DERPC: variants seen among roughly 807,000 people sequenced by gnomAD.
DERPC encodes the protein DERPC proline and glycine rich nuclear protein.
In DERPC, 1 loss-of-function variant was observed where a neutral mutation model predicts 7.2. The observed-to-expected ratio is 0.14, with a 90% CI of 0.05 to 0.66. The LOEUF is 0.66. Among genes scored for constraint, DERPC ranks in the 30% least tolerant of loss-of-function variants. The probability of loss-of-function intolerance (pLI) is 0.84; values close to 1 mark genes in which losing one functional copy is unlikely to be tolerated. For missense variants in DERPC, 502 were observed against 299.4 expected, an observed-to-expected ratio of 1.68 and a Z score of -4.99; for synonymous variants, 185 against 117.6, an observed-to-expected ratio of 1.57 and a Z score of -3.71.
chr16:69,123,661 C>T (rs1961844327), intron 1 of DERPC, among the ~76,000 whole-genome samples: 1 of 152,082 alleles, frequency 6.6e-6, no homozygotes, highest in South Asian at 2.1e-4. Flanking sequence ...ATCAATCAAT[C>T]AATCAATAAA....
chr16:69,129,523 C>T (rs1962343564), intron 1 of DERPC, among the ~76,000 whole-genome samples: 1 of 152,026 alleles, frequency 6.6e-6, no homozygotes, highest in Non-Finnish European at 1.5e-5. Flanking sequence ...AAGCTAGCCT[C>T]GTTCACTTAT....
At position 69,119,277 on chromosome 16, in the gene DERPC, G is replaced by A. The variant is rs777340231; in HGVS notation, c.1152C>T (p.Thr384=). The change falls in exon 3 of 3, where the codon ACC becomes ACT. Residue 384 remains threonine, a synonymous_variant. Coordinates refer to ENST00000519520, the MANE Select transcript of DERPC (RefSeq NM_001002847.4). ...CCTGGAGGCCAGCGGACCTTTGGAA[G>A]GTAGCTGGGTTTGATGCCAATGTGC... ...SSGTLASNPA[T]FQRSAGLQGS... is the part of the protein sequence containing the mutation. 2 of 702,958 alleles carry A rather than the reference G, an allele frequency of 2.8e-6. No homozygotes were observed. The highest frequency in any genetic ancestry group is 2.7e-5 in the East Asian group (1 of 37,298). The allele number at this position is 702,958 out of a possible 1,614,324, so 43.5% of individuals were successfully genotyped here. A position where few individuals can be genotyped will look rare whatever the true frequency, so the allele number is the denominator to read the frequency against.
chr16:69,125,782 G>A (rs1962019956), intron 1 of DERPC, among the ~76,000 whole-genome samples: 1 of 152,140 alleles, frequency 6.6e-6, no homozygotes, highest in Admixed American at 6.5e-5. Flanking sequence ...AAATCAGAAG[G>A]CCTAAATTTA....
intron 1 of DERPC, among the ~76,000 whole-genome samples, 161 bp downstream of exon 1, chr16:69,132,323 C>A (rs1443997814): frequency 6.8e-6 from 1 of 147,566 alleles, no homozygotes; most frequent in African/African-American, 2.5e-5. Context: ...ACCCCTCCCC[C>A]GCCCGCGCTC....
At position 69,120,825 on chromosome 16, in the gene DERPC, C is replaced by A; in HGVS notation, c.-221-176G>T. ...CCCATGTGCCCTTTTTACTTTCTAG[C>A]CCCACATAGGAGAATTTCCACTTTC... On this transcript the variant is annotated intron_variant, in intron 2 of 2. Coordinates refer to ENST00000519520, the MANE Select transcript of DERPC (RefSeq NM_001002847.4). This position sits in a 1 kb window ranked among gnomAD's most constrained non-coding sequence, Gnocchi z 4.0. 2 of 730,106 alleles carry A rather than the reference C, an allele frequency of 2.7e-6. No individual in the cohort carries two copies. The highest frequency in any genetic ancestry group is 1.6e-5 in the South Asian group (1 of 63,734). 45.2% of individuals were successfully genotyped at this position (730,106 alleles called of 1,614,324 possible). A position where few individuals can be genotyped will look rare whatever the true frequency, so the allele number is the denominator to read the frequency against.
Position 69,119,919 on chromosome 16 carries a change from G to A in DERPC, c.510C>T (p.Asp170=). The change falls in exon 3 of 3, where the codon GAC becomes GAT. Residue 170 remains aspartate (D), a synonymous_variant. Coordinates refer to ENST00000519520, the MANE Select transcript of DERPC (RefSeq NM_001002847.4). ...GGCCCATGGGACCACCACCTCTGGG[G>A]TCAGGACCTGCTCCCAGGAGACCAC... is the stretch of plus-strand genomic sequence containing the variant. ...RAGGLLGAGP[D]PRGGGPMGPG... The A allele has an allele frequency of 1.4e-6, 1 of 702,600 alleles. No homozygotes were observed. The highest frequency in any genetic ancestry group is 2.7e-5 in the East Asian group (1 of 37,272). The allele number at this position is 702,600 out of a possible 1,614,324, so 43.5% of individuals were successfully genotyped here.
At chr16:69,124,123 A>T (rs1961887722) in intron 1 of DERPC, among the ~76,000 whole-genome samples, 1 of 146,320 alleles carries the variant, frequency 6.8e-6, no homozygotes, top group Non-Finnish European at 1.5e-5. Context: ...AAAAAAAAAA[A>T]GGATAATATG....
In DERPC at chr16:69,119,997, G is replaced by A. The variant is rs1961504941; in HGVS notation, c.432C>T (p.Asn144=). 1.4e-6 allele frequency: 1 copy of A among 695,264 alleles called. No individual in the cohort carries two copies. The highest frequency in any genetic ancestry group is 2.6e-6 in the Non-Finnish European group (1 of 379,896). The allele number at this position is 695,264 out of a possible 1,614,324, so 43.1% of individuals were successfully genotyped here. A position where few individuals can be genotyped will look rare whatever the true frequency, so the allele number is the denominator to read the frequency against. ...GALPGPGPLS[N]PRLGGLPGPG... ...GTCCTGGGAGACCCCCTAACCTGGGGTTAGACAGAGGCCCTGGGCCTGGCA... is the reference window on the plus strand; with the variant it reads ...GTCCTGGGAGACCCCCTAACCTGGGATTAGACAGAGGCCCTGGGCCTGGCA... The change falls in exon 3 of 3, where the codon AAC becomes AAT. Residue 144 remains asparagine, a synonymous_variant. Transcript: ENST00000519520.
intron 1 of DERPC, among the ~76,000 whole-genome samples, chr16:69,123,140 T>C (rs561486592): frequency 6.6e-6 from 1 of 152,252 alleles, no homozygotes; most frequent in South Asian, 2.1e-4. Flanking sequence ...CACTGAGGCC[T>C]TTACTGCCCG....
intron 1 of DERPC, among the ~76,000 whole-genome samples, chr16:69,121,862 G>A (rs1410924681): frequency 2.0e-5 from 3 of 152,116 alleles, no homozygotes; most frequent in African/African-American, 7.2e-5. Context: ...GTAGAGATGG[G>A]GTTTCACCAT....
At chr16:69,123,859 G>C (rs760593382) in intron 1 of DERPC, among the ~76,000 whole-genome samples, 1 of 151,462 alleles carries the variant, frequency 6.6e-6, no homozygotes, top group Non-Finnish European at 1.5e-5. Context: ...AGACCAAAGT[G>C]GGTGGATCAC....
In DERPC at chr16:69,120,767, TG is replaced by T; in HGVS notation, c.-221-119del. 1 of 906,248 alleles carries T rather than the reference TG, an allele frequency of 1.1e-6. No individual in the cohort carries two copies. 56.1% of individuals were successfully genotyped at this position (906,248 alleles called of 1,614,324 possible). A position where few individuals can be genotyped will look rare whatever the true frequency, so the allele number is the denominator to read the frequency against. The stretch of plus-strand genomic sequence containing the variant: ...GCACCTCCAATCCCTGGTCTGGCTC[TG>T]CCATTGTTGAGCAGCCACACTGGAC... On this transcript the variant is annotated intron_variant, in intron 2 of 2. Transcript: ENST00000519520. The surrounding 1 kb of genome is among the most constrained non-coding windows in gnomAD (Gnocchi z 4.0).
chr16:69,119,156 T>C lies in DERPC; in HGVS notation c.1273A>G (p.Thr425Ala), dbSNP rs1380128292. The part of the protein sequence containing the change: ...RATGLQGPSP[T>A]TFPRSTGPLG... ...GGGCCAGTAGACCTTGGGAAGGTAGTTGGACTTGGACCCTGCAGGCCAGTG... is the reference window on the plus strand; with the variant it reads ...GGGCCAGTAGACCTTGGGAAGGTAGCTGGACTTGGACCCTGCAGGCCAGTG... The change falls in exon 3 of 3, where the codon ACT becomes GCT. Residue 425 changes from threonine (T) to alanine (A), a missense_variant. Physicochemically the swap from Thr to Ala is moderately conservative, Grantham distance 58 (BLOSUM62 0). Coordinates refer to ENST00000519520, the MANE Select transcript of DERPC (RefSeq NM_001002847.4). 2.8e-6 allele frequency: 2 copies of C among 702,858 alleles called. No individual in the cohort carries two copies. Among genetic ancestry groups the C allele is most frequent in the Non-Finnish European group, 2.6e-6 (1 of 385,004 alleles). 43.5% of individuals were successfully genotyped at this position (702,858 alleles called of 1,614,324 possible).
intron 1 of DERPC, among the ~76,000 whole-genome samples, chr16:69,129,041 G>A (rs938911289): frequency 3.1e-4 from 47 of 151,842 alleles, no homozygotes; most frequent in African/African-American, 1.1e-3. Flanking sequence ...TCTAGCCTGG[G>A]TGACAGAGCA....
At chr16:69,123,317 A>G (rs996841276) in intron 1 of DERPC, among the ~76,000 whole-genome samples, 2 of 152,128 alleles carry the variant, frequency 1.3e-5, no homozygotes, top group Non-Finnish European at 2.9e-5. Flanking sequence ...GTAAGCTTCA[A>G]GTCTACCTCC....
chr16:69,131,194 TTTACA>T (rs1255693085), intron 1 of DERPC: 3 of 152,166 alleles, frequency 2.0e-5, no homozygotes, highest in Non-Finnish European at 4.4e-5. Flanking sequence ...GCTTCCAAAC[TTTACA>T]TTAGTGAAGT....
rs181532294 is a variant in DERPC at position 69,119,664 on chromosome 16, G to A, written c.765C>T (p.Gly255=). 4.4e-6 allele frequency: 3 copies of A among 675,222 alleles called. No homozygotes were observed. The highest frequency in any genetic ancestry group is 5.4e-5 in the East Asian group (2 of 36,888). The allele number at this position is 675,222 out of a possible 1,614,324, so 41.8% of individuals were successfully genotyped here. ...PGPNLDARAG[G]LLGTGSGLNL... is the part of the protein sequence containing the mutation. ...TAAGACCAGATCCTGTGCCCAAGAG[G>A]CCACCTGCTCTGGCATCTAGATTAG... Residue 255 remains glycine, a synonymous_variant, in exon 3 of 3, where the codon GGC becomes GGT. Coordinates refer to ENST00000519520, the MANE Select transcript of DERPC (RefSeq NM_001002847.4).
Position 69,126,815 on chromosome 16 carries a change from C to A in DERPC, c.-279-5322G>T, listed in dbSNP as rs570051202. 8.5e-5 allele frequency among the ~76,000 whole-genome samples: 13 copies of A among 152,278 alleles called. No individual in the cohort carries two copies. In the East Asian group the frequency reaches 2.5e-3, roughly 29 times the overall value. ...CTGTAACACCTGAATTCTGTTATTT[C>A]TTTTCTTGCTCCTTGAGATTCTACT... On this transcript the variant is annotated intron_variant, in intron 1 of 2. Coordinates refer to ENST00000519520, the MANE Select transcript of DERPC (RefSeq NM_001002847.4).
intron 1 of DERPC, among the ~76,000 whole-genome samples, chr16:69,125,686 A>C (rs1001282816): frequency 6.6e-6 from 1 of 152,214 alleles, no homozygotes; most frequent in South Asian, 2.1e-4. Context: ...AACATTTCCA[A>C]AAGAGGCCCC....
Sources: gnomAD v4.1 joint callset for allele counts (sites outside exome capture counted in the v4.1 genomes callset) on GRCh38, gnomAD v4.1.1 for gene constraint, Gnocchi (gnomAD v3.1) non-coding constraint, MANE v1.5 for transcripts, NCBI Gene and HGNC (gene_info 2026-07-23, HGNC 2026-07-21) for gene names.